Variants in ALPK1 observed in about 807,000 individuals in gnomAD.
The protein encoded by ALPK1 is alpha kinase 1.
ALPK1 carries 110 observed loss-of-function variants against 120.6 expected under a neutral mutation model. That is an observed-to-expected ratio of 0.91 (90% confidence interval 0.78 to 1.07). The LOEUF is 1.07. Among genes scored for constraint, ALPK1 ranks in the 50% least tolerant of loss-of-function variants. The pLI is 0.00. For missense variants in ALPK1, 1,498 were observed against 1,483.9 expected (o/e 1.01, Z -0.16); for synonymous variants, 582 against 560.3 (o/e 1.04, Z -0.55).
chr4:112,334,347 C>T (rs749813108), intron 2 of ALPK1, among the ~76,000 whole-genome samples: 17 of 151,290 alleles, frequency 1.1e-4, no homozygotes, highest in Non-Finnish European at 2.1e-4. Context: ...CCATAAGAAT[C>T]GCTTGAACCT....
intron 2 of ALPK1, among the ~76,000 whole-genome samples, chr4:112,374,131 C>T (rs1231225135): frequency 6.6e-6 from 1 of 152,238 alleles, no homozygotes; most frequent in Admixed American, 6.5e-5. Context: ...GGTAGAACTT[C>T]TTTCAAAATT....
Position 112,423,965 on chromosome 4 carries a change from A to G in ALPK1, c.497A>G (p.Tyr166Cys), listed in dbSNP as rs1474868237. Residue 166 changes from tyrosine to cysteine, a missense_variant, in exon 6 of 16, where the codon TAT (tyrosine) becomes TGT (cysteine). Transcript: ENST00000650871. ...VNSGKLLKAE[Y>C]ILSSLISNNG... ...TCAGGAAAACTTTTAAAAGCAGAGT[A>G]TATTCTGAGCAGTCTAATAAGCAAC... 1.2e-6 allele frequency: 2 copies of G among 1,614,058 alleles called. No homozygotes were observed. Among genetic ancestry groups the G allele is most frequent in the East Asian group, 4.5e-5 (2 of 44,872 alleles).
intron 3 of ALPK1, 37 bp downstream of exon 3, chr4:112,377,935 C>G (rs1414224517): frequency 6.3e-7 from 1 of 1,576,498 alleles, no homozygotes; most frequent in Non-Finnish European, 8.7e-7. Context: ...GGTGAACCAG[C>G]AGGTTCACTC....
chr4:112,340,796 T>C (rs1729828341), intron 2 of ALPK1, among the ~76,000 whole-genome samples: 1 of 152,270 alleles, frequency 6.6e-6, no homozygotes, highest in Non-Finnish European at 1.5e-5. Context: ...TTGATCAGTT[T>C]TTTAAAACTG....
intron 2 of ALPK1, among the ~76,000 whole-genome samples, chr4:112,366,239 C>T (rs1560655255): frequency 1.3e-5 from 2 of 151,956 alleles, no homozygotes; most frequent in Non-Finnish European, 2.9e-5. Flanking sequence ...AGCTTCTGCA[C>T]AGCAAAAGTA....
chr4:112,424,161 A>C (rs6533617), intron 6 of ALPK1, among the ~76,000 whole-genome samples, 158 bp downstream of exon 6: 13,326 of 151,630 alleles, frequency 0.088, 648 homozygotes, highest in Non-Finnish European at 0.11. Flanking sequence ...GCTTTGATCA[A>C]GCAGCTTACA....
chr4:112,359,887 A>G, intron 2 of ALPK1: 1 of 258,412 alleles, frequency 3.9e-6, no homozygotes, highest in Non-Finnish European at 7.7e-6. Flanking sequence ...CTGGTGGGCC[A>G]AGAACTCACC....
In ALPK1 at chr4:112,416,070, C is replaced by A. The variant is rs1361253046; in HGVS notation, c.475+4045C>A. ...TCGATTCAGGCTAGCAACAAAAAGA[C>A]ACAAATAGTAGTGCTCCCCAAACTT... On this transcript the variant is annotated intron_variant, in intron 5 of 15. Transcript: ENST00000650871. 1.3e-5 allele frequency among the ~76,000 whole-genome samples: 2 copies of A among 152,190 alleles called. 1 individual carries two copies. The highest frequency in any genetic ancestry group is 4.1e-4 in the South Asian group (2 of 4,826).
intron 4 of ALPK1, among the ~76,000 whole-genome samples, chr4:112,406,438 A>G (rs1199404399): frequency 6.6e-6 from 1 of 152,222 alleles, no homozygotes. Flanking sequence ...AGAAGCAGAA[A>G]GTAATGTTGG....
intron 2 of ALPK1, among the ~76,000 whole-genome samples, chr4:112,369,614 A>G (rs1731312809): frequency 1.3e-5 from 2 of 152,158 alleles, no homozygotes; most frequent in South Asian, 4.1e-4. Flanking sequence ...CCCAGGAGGC[A>G]GAGGGTTGCA....
intron 4 of ALPK1, among the ~76,000 whole-genome samples, chr4:112,397,320 C>T (rs763969220): frequency 1.3e-5 from 2 of 152,174 alleles, no homozygotes; most frequent in Non-Finnish European, 2.9e-5. Context: ...AATTCTGGAG[C>T]TTTTTATGTA....
chr4:112,396,762 T>C (rs1732668623), intron 4 of ALPK1, among the ~76,000 whole-genome samples: 1 of 152,054 alleles, frequency 6.6e-6, no homozygotes, highest in African/African-American at 2.4e-5. Flanking sequence ...GTAATCTATG[T>C]AGAGCTGTTT....
intron 2 of ALPK1, among the ~76,000 whole-genome samples, chr4:112,322,880 A>G (rs1346002436): frequency 6.6e-6 from 1 of 152,230 alleles, no homozygotes; most frequent in African/African-American, 2.4e-5. Context: ...ATTACTAAAG[A>G]GTATTTGAGT....
At position 112,298,571 on chromosome 4, in the gene ALPK1, G is replaced by A. The variant is rs1294660446; in HGVS notation, c.-153+1102G>A. ...GAGATGAATCTCTCAAATTTCTTCC[G>A]CCAAGAAGACACCAAAATTGTATAG... is the stretch of plus-strand genomic sequence containing the variant. On this transcript the variant is annotated intron_variant, in intron 1 of 15. Coordinates refer to ENST00000650871, the MANE Select transcript of ALPK1 (RefSeq NM_025144.4). Among the ~76,000 whole-genome samples the A allele has an allele frequency of 2.2e-4, 33 of 151,980 alleles. 1 individual carries two copies. The highest frequency in any genetic ancestry group is 1.5e-5 in the Non-Finnish European group (1 of 67,992).
chr4:112,332,258 G>T lies in ALPK1; in HGVS notation c.-101+16406G>T, dbSNP rs528104812. Among the ~76,000 whole-genome samples, 3 of 152,246 alleles carry T rather than the reference G, an allele frequency of 2.0e-5. 1 individual carries two copies. The South Asian group carries it at 6.2e-4, about 32-fold the overall frequency. On this transcript the variant is annotated intron_variant, in intron 2 of 15. Coordinates refer to ENST00000650871, the MANE Select transcript of ALPK1 (RefSeq NM_025144.4). ...AGGAAGGAAGAATACCAGTTAATTTGCCTGTATAATACTGAAAGTCCACCA... is the reference window on the plus strand; with the variant it reads ...AGGAAGGAAGAATACCAGTTAATTTTCCTGTATAATACTGAAAGTCCACCA...
chr4:112,386,958 T>C (rs1474161815), intron 4 of ALPK1, among the ~76,000 whole-genome samples: 2 of 152,232 alleles, frequency 1.3e-5, no homozygotes, highest in South Asian at 2.1e-4. Context: ...TGAGCAACTT[T>C]TTTCAAGTGT....
intron 1 of ALPK1, among the ~76,000 whole-genome samples, chr4:112,311,185 G>GA (rs1728387091): frequency 6.6e-6 from 1 of 152,186 alleles, no homozygotes; most frequent in Admixed American, 6.5e-5. Context: ...GGAAATTCAT[G>GA]AGCAGGCAGT....
Position 112,432,622 on chromosome 4 carries a change from G to A in ALPK1, c.3034+41G>A, listed in dbSNP as rs987822986. Reference sequence around the variant, plus strand: ...TCAATAGTTCCCCCCTCAGGAAGCAGCTGTGTTGGGGCACTCTGAAGAGCT... The same window carrying A: ...TCAATAGTTCCCCCCTCAGGAAGCAACTGTGTTGGGGCACTCTGAAGAGCT... On this transcript the variant is annotated intron_variant, in intron 11 of 15. Coordinates refer to ENST00000650871, the MANE Select transcript of ALPK1 (RefSeq NM_025144.4). 8 of 1,569,668 alleles carry A rather than the reference G, an allele frequency of 5.1e-6. No homozygotes were observed. The African/African-American group carries it at 9.5e-5, about 19-fold the overall frequency.
Position 112,439,702 on chromosome 4 carries a change from C to A in ALPK1, c.3368C>A (p.Thr1123Lys). The change falls in exon 14 of 16, where the codon ACA becomes AAA. Residue 1123 changes from threonine (T) to lysine (K), a missense_variant. Transcript: ENST00000650871. ...STILLILEDK[T>K]IKGCISVEPY... Reference sequence around the variant, plus strand: ...ATTTTTCAGATTTTAGAGGACAAGACAATAAAGGGATGTATCAGTGTGGAG... The same window carrying A: ...ATTTTTCAGATTTTAGAGGACAAGAAAATAAAGGGATGTATCAGTGTGGAG... 1 of 1,605,106 alleles carries A rather than the reference C, an allele frequency of 6.2e-7. No homozygotes were observed. The highest frequency in any genetic ancestry group is 8.5e-7 in the Non-Finnish European group (1 of 1,176,638).
Sources: gnomAD v4.1 joint callset for allele counts (sites outside exome capture counted in the v4.1 genomes callset) on GRCh38, gnomAD v4.1.1 for gene constraint, MANE v1.5 for transcripts, NCBI Gene and HGNC (gene_info 2026-07-23, HGNC 2026-07-21) for gene names.